Variants in CDK5RAP2 observed in about 807,000 individuals in gnomAD.
The protein encoded by CDK5RAP2 is CDK5 regulatory subunit-associated protein 2.
In CDK5RAP2, 147 loss-of-function variants were observed where a neutral mutation model predicts 232.9. That is an observed-to-expected ratio of 0.63 (90% CI 0.55 to 0.72). CDK5RAP2 has a LOEUF of 0.72. Ranked by LOEUF, CDK5RAP2 falls within the 30% of genes least tolerant of loss-of-function variation. The probability of loss-of-function intolerance (pLI) is 0.00; values close to 1 mark genes in which losing one functional copy is unlikely to be tolerated. For synonymous variants in CDK5RAP2, 833 were observed against 833.7 expected (o/e 1.00, Z 0.01); for missense variants, 2,195 against 2,231.5 (o/e 0.98, Z 0.33).
At chr9:120,395,884 A>G (rs1432994049) in intron 35 of CDK5RAP2, among the ~76,000 whole-genome samples, 3 of 152,256 alleles carry the variant, frequency 2.0e-5, no homozygotes, top group African/African-American at 7.2e-5. Context: ...AAGATGTGGG[A>G]GGAACACAGT....
At chr9:120,393,626 T>C (rs2032199061) in intron 36 of CDK5RAP2, among the ~76,000 whole-genome samples, 1 of 152,190 alleles carries the variant, frequency 6.6e-6, no homozygotes, top group African/African-American at 2.4e-5. Flanking sequence ...CAACAGGCAC[T>C]AATGGAAACT....
At chr9:120,402,645 T>C (rs2033124335) in intron 34 of CDK5RAP2, among the ~76,000 whole-genome samples, 161 bp downstream of exon 34, 1 of 152,078 alleles carries the variant, frequency 6.6e-6, no homozygotes, top group African/African-American at 2.4e-5. Flanking sequence ...CCACCAATAG[T>C]TCCCCACACT....
At chr9:120,435,255 G>T (rs1212804334) in intron 25 of CDK5RAP2, among the ~76,000 whole-genome samples, 1 of 152,140 alleles carries the variant, frequency 6.6e-6, no homozygotes, top group African/African-American at 2.4e-5. Context: ...TTTCACAGTG[G>T]AAAGGGTGGA....
chr9:120,488,542 T>G (rs569782389), intron 13 of CDK5RAP2, among the ~76,000 whole-genome samples: 1 of 152,322 alleles, frequency 6.6e-6, no homozygotes, highest in Admixed American at 6.5e-5. Context: ...CTTTAGCTAT[T>G]TCTTCTGCTA....
chr9:120,525,876 C>A (rs1344947183), intron 10 of CDK5RAP2, among the ~76,000 whole-genome samples: 1 of 152,218 alleles, frequency 6.6e-6, no homozygotes, highest in African/African-American at 2.4e-5. Context: ...CCTCAGCCTC[C>A]CAAAGTGTTG....
intron 14 of CDK5RAP2, among the ~76,000 whole-genome samples, chr9:120,487,043 T>C (rs765593630): frequency 2.0e-5 from 3 of 152,198 alleles, no homozygotes; most frequent in East Asian, 1.9e-4. Context: ...TGAGCCCTGA[T>C]AGAGCAAATG....
chr9:120,408,228 T>G (rs2131304087), intron 31 of CDK5RAP2, 119 bp downstream of exon 31: 4 of 1,184,300 alleles, frequency 3.4e-6, no homozygotes, highest in South Asian at 2.4e-5. Context: ...ACCCATCCAC[T>G]CTACCCACAA....
intron 31 of CDK5RAP2, 149 bp from the exon 32 acceptor site, chr9:120,407,397 T>A (rs1422722930): frequency 2.9e-6 from 2 of 682,228 alleles, no homozygotes. Flanking sequence ...AACTTGACTT[T>A]AGAAACAAAA....
At position 120,403,034 on chromosome 9, in the gene CDK5RAP2, G is replaced by A. The variant is rs965761601; in HGVS notation, c.5079C>T (p.Asp1693=). ...ETPPLSGNDT[D]SLSCDSGSSA... is the part of the protein sequence containing the mutation. Reference sequence around the variant, plus strand: ...AACTGCCACTGTCGCAGGAGAGGGAGTCCGTGTCATTCCCAGAGAGTGGAG... The same window carrying A: ...AACTGCCACTGTCGCAGGAGAGGGAATCCGTGTCATTCCCAGAGAGTGGAG... Residue 1693 remains aspartate (D), a synonymous_variant, in exon 34 of 38, where the codon GAC becomes GAT. Coordinates refer to ENST00000349780, the MANE Select transcript of CDK5RAP2 (RefSeq NM_018249.6). The surrounding 1 kb of genome is among the most constrained non-coding windows in gnomAD (Gnocchi z 4.2). The A allele has an allele frequency of 1.9e-6, 3 of 1,614,070 alleles. No homozygotes were observed. Among genetic ancestry groups the A allele is most frequent in the African/African-American group, 1.3e-5 (1 of 74,932 alleles).
At chr9:120,517,624 C>T in intron 12 of CDK5RAP2, 1 of 152,324 alleles carries the variant, frequency 6.6e-6, no homozygotes, top group Non-Finnish European at 1.5e-5. Context: ...ATGCTAATAC[C>T]CAATGCTAAA....
In CDK5RAP2 at chr9:120,539,029, T is replaced by C. The variant is rs186697904; in HGVS notation, c.507+12A>G. The C allele has an allele frequency of 1.2e-4, 199 of 1,613,854 alleles. No homozygotes were observed. In the African/African-American group the frequency reaches 2.2e-3, roughly 18 times the overall value. ...ATAAGAAATACACTGCCCTCAGGAT[T>C]TCCAGACTTGCCTTTTCCAAAAGGA... On this transcript the variant is annotated intron_variant, in intron 6 of 37. Transcript: ENST00000349780.
rs752717425 is a variant in CDK5RAP2, at chr9:120,389,763, C to A, written c.5603G>T (p.Arg1868Leu). 7.4e-6 allele frequency: 12 copies of A among 1,613,982 alleles called. No individual in the cohort carries two copies. In the Admixed American group the frequency reaches 2.0e-4, roughly 27 times the overall value. Residue 1868 changes from arginine (R) to leucine (L), a missense_variant, in exon 37 of 38, where the codon CGG becomes CTG. Arg to Leu is a moderately radical substitution (Grantham distance 102). Coordinates refer to ENST00000349780, the MANE Select transcript of CDK5RAP2 (RefSeq NM_018249.6). ...DQLVVTHKIL[R>L]KARGNLELRP... ...TACCTCCAGGTTTCCTCTGGCCTTCCGAAGGATTTTGTGGGTTACGACCAC... is the reference window on the plus strand; with the variant it reads ...TACCTCCAGGTTTCCTCTGGCCTTCAGAAGGATTTTGTGGGTTACGACCAC...
rs2031659412 is a variant in CDK5RAP2, at chr9:120,389,011, A to G, written c.*225T>C. 3.3e-6 allele frequency: 2 copies of G among 597,672 alleles called. No individual in the cohort carries two copies. The highest frequency in any genetic ancestry group is 5.9e-6 in the Non-Finnish European group (2 of 337,446). The allele number at this position is 597,672 out of a possible 1,614,324, so 37.0% of individuals were successfully genotyped here. A position where few individuals can be genotyped will look rare whatever the true frequency, so the allele number is the denominator to read the frequency against. ...GTGCCTGCCCCTGATCTGAAATACA[A>G]CATCCAAGAGCTCGAGGCCTTTTTA... On this transcript the variant is annotated 3_prime_UTR_variant, in exon 38 of 38. Coordinates refer to ENST00000349780, the MANE Select transcript of CDK5RAP2 (RefSeq NM_018249.6).
At position 120,477,343 on chromosome 9, in the gene CDK5RAP2, C is replaced by A; in HGVS notation, c.1727+7G>T. 1 of 1,602,140 alleles carries A rather than the reference C, an allele frequency of 6.2e-7. No homozygotes were observed. Among genetic ancestry groups the A allele is most frequent in the African/African-American group, 1.3e-5 (1 of 74,842 alleles). ...CACATGTGTGATGTCCAGACAGAAA[C>A]GCTTACCTGTCTGATTCCTGCAGAG... On this transcript the variant is annotated splice_region_variant and intron_variant, in intron 15 of 37. Coordinates refer to ENST00000349780, the MANE Select transcript of CDK5RAP2 (RefSeq NM_018249.6).
At chr9:120,470,401 T>C (rs2037630957) in intron 16 of CDK5RAP2, among the ~76,000 whole-genome samples, 181 bp from the exon 17 acceptor site, 1 of 152,166 alleles carries the variant, frequency 6.6e-6, no homozygotes, top group Non-Finnish European at 1.5e-5. Flanking sequence ...GCAAAATTAA[T>C]TTTCCCTTTC....
intron 12 of CDK5RAP2, among the ~76,000 whole-genome samples, chr9:120,506,473 A>G (rs2039817677): frequency 6.6e-6 from 1 of 152,232 alleles, no homozygotes; most frequent in Non-Finnish European, 1.5e-5. Flanking sequence ...TAACTTTTCA[A>G]GTCTTTAAAA....
intron 3 of CDK5RAP2, among the ~76,000 whole-genome samples, chr9:120,552,429 G>T (rs1376125218): frequency 1.3e-5 from 2 of 151,970 alleles, no homozygotes; most frequent in African/African-American, 4.8e-5. Context: ...AATAGCAAAG[G>T]CTTGGAACCA....
chr9:120,437,445 T>C lies in CDK5RAP2; in HGVS notation c.3805A>G (p.Ile1269Val). The C allele has an allele frequency of 6.2e-7, 1 of 1,614,102 alleles. No individual in the cohort carries two copies. The highest frequency in any genetic ancestry group is 1.6e-4 in the Middle Eastern group (1 of 6,062). Reference sequence around the variant, plus strand: ...ATGGTGTTCATGTGTTGACGGGAGATGACACAGATGCCATGGCCATCCTTA... The same window carrying C: ...ATGGTGTTCATGTGTTGACGGGAGACGACACAGATGCCATGGCCATCCTTA... ...QIKDGHGICV[I>V]SRQHMNTMIK... Residue 1269 changes from isoleucine (I) to valine (V), a missense_variant, in exon 25 of 38, where the codon ATC becomes GTC. By Grantham distance (29) the Ile-to-Val change is conservative. Coordinates refer to ENST00000349780, the MANE Select transcript of CDK5RAP2 (RefSeq NM_018249.6).
chr9:120,501,401 A>C (rs1172300641), intron 12 of CDK5RAP2, among the ~76,000 whole-genome samples: 2 of 152,126 alleles, frequency 1.3e-5, no homozygotes, highest in Non-Finnish European at 2.9e-5. Flanking sequence ...TATTTAATTT[A>C]TATGTGTATT....
Sources: allele counts gnomAD v4.1 joint callset (sites outside exome capture counted in the v4.1 genomes callset), GRCh38; gene constraint gnomAD v4.1.1; non-coding constraint Gnocchi (gnomAD v3.1); transcripts MANE v1.5; gene names NCBI Gene and HGNC (gene_info 2026-07-23, HGNC 2026-07-21).